PRKAR2A: variants seen among roughly 807,000 people sequenced by gnomAD.
The protein encoded by PRKAR2A is protein kinase cAMP-dependent type II regulatory subunit alpha.
A neutral mutation model predicts 51.9 loss-of-function variants in PRKAR2A; 29 were observed. That is an observed-to-expected ratio of 0.56 (90% CI 0.42 to 0.76). The LOEUF (loss-of-function observed/expected upper bound fraction) is 0.76. Ranked by LOEUF, PRKAR2A falls within the 30% of genes least tolerant of loss-of-function variation. The probability of loss-of-function intolerance (pLI) is 0.00; values close to 1 mark genes in which losing one functional copy is unlikely to be tolerated. For missense variants in PRKAR2A, 445 were observed against 512.1 expected (o/e 0.87, Z 1.26); for synonymous variants, 178 against 186.2 (o/e 0.96, Z 0.36).
At position 48,790,554 on chromosome 3, in the gene PRKAR2A, T is replaced by C; in HGVS notation, c.425A>G (p.Asn142Ser). 1 of 1,547,038 alleles carries C rather than the reference T, an allele frequency of 6.5e-7. No individual in the cohort carries two copies. The highest frequency in any genetic ancestry group is 8.7e-7 in the Non-Finnish European group (1 of 1,150,020). The change falls in exon 4 of 11, where the codon AAT becomes AGT. Residue 142 changes from asparagine (N) to serine (S), a missense_variant. Asn to Ser is a conservative substitution (Grantham distance 46, BLOSUM62 1). Transcript: ENST00000265563. ...AGAAATCAATGTTACCTGATCAAGA[T>C]TTTTGAAAAGGAGAATATCTTTGCA... is the stretch of plus-strand genomic sequence containing the variant. ...EACKDILLFK[N>S]LDQEQLSQVL...
At chr3:48,775,698 T>C (rs751950344) in intron 5 of PRKAR2A, among the ~76,000 whole-genome samples, 1 of 152,086 alleles carries the variant, frequency 6.6e-6, no homozygotes, top group Non-Finnish European at 1.5e-5. Context: ...AAAGATTTAA[T>C]TGCCAGGATT....
chr3:48,793,109 A>G (rs1438291319), intron 3 of PRKAR2A, among the ~76,000 whole-genome samples: 1 of 151,862 alleles, frequency 6.6e-6, no homozygotes, highest in Admixed American at 6.6e-5. Flanking sequence ...ATATACAAAT[A>G]AATATATATA....
In PRKAR2A at chr3:48,843,100, T is replaced by C. The variant is rs577417484; in HGVS notation, c.262+4235A>G. On this transcript the variant is annotated intron_variant, in intron 1 of 10. Transcript: ENST00000265563. ...ATTGCCACAATTTCAGATCCTGTTATTGGTCTATTCAGAGATTCAACTTCT... is the reference window on the plus strand; with the variant it reads ...ATTGCCACAATTTCAGATCCTGTTACTGGTCTATTCAGAGATTCAACTTCT... Among the ~76,000 whole-genome samples the C allele has an allele frequency of 2.6e-5, 4 of 152,342 alleles. No individual in the cohort carries two copies. The South Asian group carries it at 8.3e-4, about 32-fold the overall frequency.
chr3:48,807,922 C>A (rs1349056578), intron 1 of PRKAR2A, among the ~76,000 whole-genome samples: 5 of 152,122 alleles, frequency 3.3e-5, no homozygotes, highest in Non-Finnish European at 2.9e-5. Flanking sequence ...TTCAACCTGG[C>A]AATTTTATTT....
chr3:48,754,869 A>G (rs1477732525), intron 9 of PRKAR2A, among the ~76,000 whole-genome samples: 7 of 151,140 alleles, frequency 4.6e-5, no homozygotes, highest in Non-Finnish European at 4.4e-5. Flanking sequence ...GTGAGTTGAG[A>G]TTGCACCACT....
intron 1 of PRKAR2A, among the ~76,000 whole-genome samples, chr3:48,813,136 G>A (rs947711804): frequency 2.1e-4 from 32 of 151,816 alleles, no homozygotes; most frequent in African/African-American, 6.8e-4. Context: ...GTTGTCCGCC[G>A]GGCATAGGGG....
intron 3 of PRKAR2A, among the ~76,000 whole-genome samples, chr3:48,791,139 T>C (rs751637414): frequency 2.7e-4 from 41 of 151,300 alleles, no homozygotes; most frequent in Admixed American, 8.6e-4. Flanking sequence ...ATAGAAAAAT[T>C]AGCTGGGCAT....
chr3:48,814,112 G>A (rs765323049), intron 1 of PRKAR2A, among the ~76,000 whole-genome samples: 3 of 152,150 alleles, frequency 2.0e-5, no homozygotes, highest in Non-Finnish European at 4.4e-5. Flanking sequence ...GCTAGGCGTG[G>A]TGTCTCGCGC....
chr3:48,825,034 T>C (rs1291319628), intron 1 of PRKAR2A, among the ~76,000 whole-genome samples: 20 of 141,490 alleles, frequency 1.4e-4, no homozygotes, highest in South Asian at 4.7e-4. Context: ...TTTTCTTTTT[T>C]TTTTTTTTTT....
At chr3:48,754,856 G>A (rs1242111499) in intron 9 of PRKAR2A, among the ~76,000 whole-genome samples, 1 of 151,078 alleles carries the variant, frequency 6.6e-6, no homozygotes, top group Admixed American at 6.6e-5. Context: ...GTTGGAGGTT[G>A]CAGTGAGTTG....
chr3:48,782,430 G>A (rs1251516676), intron 5 of PRKAR2A, among the ~76,000 whole-genome samples: 4 of 152,006 alleles, frequency 2.6e-5, no homozygotes, highest in African/African-American at 9.7e-5. Flanking sequence ...AACTGTAAAG[G>A]AGACTTTCTT....
Position 48,751,091 on chromosome 3 carries a change from G to A in PRKAR2A, c.*494C>T, listed in dbSNP as rs770268682. Reference sequence around the variant, plus strand: ...ACCATTTCCCACTGTAAAACCAAAGGCTGCAACTGTGAACAAATGTGGACT... The same window carrying A: ...ACCATTTCCCACTGTAAAACCAAAGACTGCAACTGTGAACAAATGTGGACT... On this transcript the variant is annotated 3_prime_UTR_variant, in exon 11 of 11. Coordinates refer to ENST00000265563, the MANE Select transcript of PRKAR2A (RefSeq NM_004157.4). 7 of 349,392 alleles carry A rather than the reference G, an allele frequency of 2.0e-5. No individual in the cohort carries two copies. Among genetic ancestry groups the A allele is most frequent in the Non-Finnish European group, 3.4e-5 (6 of 177,414 alleles). The allele number at this position is 349,392 out of a possible 1,614,324, so 21.6% of individuals were successfully genotyped here.
At chr3:48,769,392 C>G (rs2081991966) in intron 6 of PRKAR2A, among the ~76,000 whole-genome samples, 1 of 151,838 alleles carries the variant, frequency 6.6e-6, no homozygotes, top group African/African-American at 2.4e-5. Context: ...CTCCTGACCT[C>G]ATGATCCGCC....
At chr3:48,791,903 C>CAAAAAA (rs1177374619) in intron 3 of PRKAR2A, among the ~76,000 whole-genome samples, 6 of 41,888 alleles carry the variant, frequency 1.4e-4, no homozygotes, top group Admixed American at 4.0e-4. Flanking sequence ...AACTCTGTCT[C>CAAAAAA]AAAAAAAAAA....
intron 3 of PRKAR2A, among the ~76,000 whole-genome samples, chr3:48,791,722 T>C (rs1374421271): frequency 1.4e-5 from 2 of 145,062 alleles, no homozygotes; most frequent in African/African-American, 5.2e-5. Context: ...CTGACCAACA[T>C]GAAGAAACCC....
rs575295590 is a variant in PRKAR2A, at chr3:48,763,585, C to CGTAA, written c.873+1418_873+1419insTTAC. Among the ~76,000 whole-genome samples the CGTAA allele has an allele frequency of 1.1e-3, 172 of 152,300 alleles. 3 individuals are homozygous for CGTAA. In the South Asian group the frequency reaches 0.035, roughly 31 times the overall value. ...CATTTCTGAATCTCAGCACTACATT[C>CGTAA]TTACCATACCAGGATACCTGCTCTG... On this transcript the variant is annotated intron_variant, in intron 8 of 10. Transcript: ENST00000265563.
intron 6 of PRKAR2A, among the ~76,000 whole-genome samples, chr3:48,768,523 T>C (rs990170124): frequency 6.6e-6 from 1 of 150,644 alleles, no homozygotes; most frequent in East Asian, 2.0e-4. Context: ...CATGGTGAAA[T>C]CTCGTGTCTA....
intron 1 of PRKAR2A, among the ~76,000 whole-genome samples, chr3:48,836,370 G>T (rs1162411694): frequency 7.1e-6 from 1 of 140,682 alleles, no homozygotes; most frequent in Admixed American, 7.5e-5. Flanking sequence ...AGTGAGCCAA[G>T]ATTGTGCCAT....
chr3:48,844,475 T>C (rs2083429121), intron 1 of PRKAR2A, among the ~76,000 whole-genome samples: 1 of 150,916 alleles, frequency 6.6e-6, no homozygotes, highest in African/African-American at 2.4e-5. Context: ...GACCCAGCCA[T>C]CCCATTACTG....
Sources: allele counts gnomAD v4.1 joint callset (sites outside exome capture counted in the v4.1 genomes callset), GRCh38; gene constraint gnomAD v4.1.1; transcripts MANE v1.5; gene names NCBI Gene and HGNC (gene_info 2026-07-23, HGNC 2026-07-21).